Variants in CSMD1 observed in about 807,000 individuals in gnomAD.
The protein encoded by CSMD1 is CUB and Sushi multiple domains 1.
A neutral mutation model predicts 417.5 loss-of-function variants in CSMD1; 213 were observed. The observed-to-expected ratio is 0.51, with a 90% CI of 0.46 to 0.57. CSMD1 has a LOEUF of 0.57. Among genes scored for constraint, CSMD1 ranks in the 20% least tolerant of loss-of-function variants. The pLI is 0.00. For missense variants in CSMD1, 6,923 were observed against 4,529.7 expected (o/e 1.53, Z -15.17); for synonymous variants, 2,862 against 1,736.8 (o/e 1.65, Z -16.11).
Position 3,038,464 on chromosome 8 carries a change from G to A in CSMD1, c.7661-8951C>T, listed in dbSNP as rs186993809. On this transcript the variant is annotated intron_variant, in intron 50 of 69. Coordinates refer to ENST00000635120, the MANE Select transcript of CSMD1 (RefSeq NM_033225.6). ...GGCTTAATTGTAAAAGCAATACACA[G>A]CATTTATATTACTGGTGGCTCTCTT... Among the ~76,000 whole-genome samples, 471 of 152,268 alleles carry A rather than the reference G, an allele frequency of 3.1e-3. 9 individuals are homozygous for A. Among genetic ancestry groups the A allele is most frequent in the Admixed American group, 0.027 (413 of 15,304 alleles).
intron 23 of CSMD1, among the ~76,000 whole-genome samples, chr8:3,339,253 G>A (rs902161014): frequency 7.2e-5 from 11 of 151,874 alleles, no homozygotes; most frequent in Non-Finnish European, 1.5e-4. Flanking sequence ...TTGGAATGTC[G>A]TTTATACCCA....
At chr8:4,135,512 G>C (rs1271629495) in intron 3 of CSMD1, among the ~76,000 whole-genome samples, 3 of 151,940 alleles carry the variant, frequency 2.0e-5, no homozygotes, top group African/African-American at 4.8e-5. Flanking sequence ...AAAGCTTTAG[G>C]AAAGCCTGAG....
intron 14 of CSMD1, 122 bp from the exon 15 acceptor site, chr8:3,406,343 T>C: frequency 1.4e-6 from 1 of 738,582 alleles, no homozygotes; most frequent in Non-Finnish European, 2.0e-6. Flanking sequence ...ATTATATAAA[T>C]TTCAGTTGTA....
chr8:4,492,086 A>G (rs2130220370), intron 2 of CSMD1, among the ~76,000 whole-genome samples: 1 of 152,314 alleles, frequency 6.6e-6, no homozygotes, highest in South Asian at 2.1e-4. Context: ...AGACATGAAG[A>G]AAATATGGTT....
At chr8:4,396,017 G>C (rs1042379618) in intron 3 of CSMD1, among the ~76,000 whole-genome samples, 8 of 152,040 alleles carry the variant, frequency 5.3e-5, no homozygotes, top group Non-Finnish European at 7.4e-5. Context: ...TAATCATTTT[G>C]TTCTAATTCT....
intron 6 of CSMD1, among the ~76,000 whole-genome samples, chr8:3,749,066 A>G (rs536336407): frequency 2.0e-5 from 3 of 152,186 alleles, no homozygotes; most frequent in Non-Finnish European, 4.4e-5. Context: ...TTAGATGACT[A>G]TTTAGTAGTG....
At chr8:3,245,599 C>T (rs1799827454) in intron 26 of CSMD1, among the ~76,000 whole-genome samples, 1 of 152,316 alleles carries the variant, frequency 6.6e-6, no homozygotes, top group South Asian at 2.1e-4. Flanking sequence ...CATGCCTACC[C>T]CTTCCAGGAA....
At chr8:4,683,201 G>A (rs187090523) in intron 1 of CSMD1, among the ~76,000 whole-genome samples, 1 of 152,008 alleles carries the variant, frequency 6.6e-6, no homozygotes, top group Non-Finnish European at 1.5e-5. Flanking sequence ...ATATGTTCAT[G>A]AAACAACTTA....
At chr8:3,533,054 G>C (rs1344854903) in intron 10 of CSMD1, among the ~76,000 whole-genome samples, 1 of 152,124 alleles carries the variant, frequency 6.6e-6, no homozygotes, top group Admixed American at 6.5e-5. Context: ...AAAATACTTT[G>C]AGATAAACAG....
intron 26 of CSMD1, among the ~76,000 whole-genome samples, chr8:3,254,715 G>A (rs1003132527): frequency 1.3e-5 from 2 of 152,122 alleles, no homozygotes; most frequent in Non-Finnish European, 2.9e-5. Context: ...TTGGTTTTCA[G>A]CTCCGTCAGG....
intron 12 of CSMD1, among the ~76,000 whole-genome samples, chr8:3,409,859 A>G (rs1812572868): frequency 1.3e-5 from 2 of 152,246 alleles, no homozygotes; most frequent in African/African-American, 4.8e-5. Context: ...AGATACGCTG[A>G]CAACACAAAT....
At chr8:3,528,672 G>C (rs755918386) in intron 10 of CSMD1, among the ~76,000 whole-genome samples, 2 of 152,180 alleles carry the variant, frequency 1.3e-5, no homozygotes, top group East Asian at 3.8e-4. Context: ...CTGGGACATG[G>C]TGGCTGCACC....
At chr8:4,059,143 C>G (rs1376251565) in intron 3 of CSMD1, among the ~76,000 whole-genome samples, 1 of 152,200 alleles carries the variant, frequency 6.6e-6, no homozygotes, top group African/African-American at 2.4e-5. Flanking sequence ...GAAACTCACT[C>G]AGAACCGCTT....
At chr8:3,296,853 G>A (rs11775853) in intron 25 of CSMD1, among the ~76,000 whole-genome samples, 1 of 152,116 alleles carries the variant, frequency 6.6e-6, no homozygotes, top group Non-Finnish European at 1.5e-5. Context: ...TCTTGGACCT[G>A]TTGAGTTTAA....
At chr8:3,711,464 A>T (rs4304341) in intron 6 of CSMD1, among the ~76,000 whole-genome samples, 50,101 of 151,976 alleles carry the variant, frequency 0.33, 8,427 homozygotes, top group East Asian at 0.49. Flanking sequence ...TCCAACCCCA[A>T]CCAAAGGGCG....
Position 4,164,082 on chromosome 8 carries a change from C to G in CSMD1, c.416-131983G>C, listed in dbSNP as rs190473861. ...TTATAAACATTACATTAAGAAAACT[C>G]CAATACTTATCATGTTTTTAAAGAA... On this transcript the variant is annotated intron_variant, in intron 3 of 69. Transcript: ENST00000635120. Among the ~76,000 whole-genome samples, 5 of 151,188 alleles carry G rather than the reference C, an allele frequency of 3.3e-5. No homozygotes were observed. In the East Asian group the frequency reaches 7.9e-4, roughly 24 times the overall value.
chr8:3,966,423 G>A lies in CSMD1; in HGVS notation c.818+31480C>T, dbSNP rs758908402. Among the ~76,000 whole-genome samples, 11 of 152,046 alleles carry A rather than the reference G, an allele frequency of 7.2e-5. No individual in the cohort carries two copies. In the South Asian group the frequency reaches 8.3e-4, roughly 11 times the overall value. Reference sequence around the variant, plus strand: ...TAAATATATAATACATATATATCAGGTATTATATATAATTACCTACATATA... The same window carrying A: ...TAAATATATAATACATATATATCAGATATTATATATAATTACCTACATATA... On this transcript the variant is annotated intron_variant, in intron 5 of 69. Transcript: ENST00000635120.
chr8:3,713,751 T>G (rs578013766), intron 6 of CSMD1, among the ~76,000 whole-genome samples: 1 of 152,348 alleles, frequency 6.6e-6, no homozygotes, highest in South Asian at 2.1e-4. Context: ...GAGATGCCAT[T>G]GCAAATCCTC....
intron 1 of CSMD1, among the ~76,000 whole-genome samples, chr8:4,726,082 C>T (rs184470033): frequency 7.2e-5 from 11 of 152,196 alleles, no homozygotes; most frequent in African/African-American, 2.6e-4. Flanking sequence ...ACAAATGATC[C>T]GTGATACACA....
Sources: allele counts gnomAD v4.1 joint callset (sites outside exome capture counted in the v4.1 genomes callset), GRCh38; gene constraint gnomAD v4.1.1; transcripts MANE v1.5; gene names NCBI Gene and HGNC (gene_info 2026-07-23, HGNC 2026-07-21).